The following ARHGEF4 variants were observed in gnomAD, a reference collection of about 807,000 sequenced individuals.
ARHGEF4 encodes the protein APC-stimulated guanine nucleotide exchange factor 1.
In ARHGEF4, 119 loss-of-function variants were observed where a neutral mutation model predicts 162.0. The observed-to-expected ratio is 0.73, with a 90% CI of 0.63 to 0.86. ARHGEF4 has a LOEUF of 0.86. ARHGEF4 is among the 40% of genes least tolerant of loss of function. The probability of loss-of-function intolerance (pLI) is 0.00; values close to 1 mark genes in which losing one functional copy is unlikely to be tolerated. For missense variants in ARHGEF4, 2,488 were observed against 2,456.0 expected, an observed-to-expected ratio of 1.01 and a Z score of -0.28; for synonymous variants, 1,014 against 979.9, an observed-to-expected ratio of 1.03 and a Z score of -0.65.
chr2:130,986,055 TTA>T (rs1181203085), intron 4 of ARHGEF4, among the ~76,000 whole-genome samples: 22 of 151,958 alleles, frequency 1.4e-4, no homozygotes, highest in African/African-American at 4.6e-4. Context: ...ATAGTATATG[TTA>T]TGTGTGTAGT....
chr2:131,018,006 CAAA>C (rs1157374408), intron 4 of ARHGEF4, among the ~76,000 whole-genome samples: 1 of 151,626 alleles, frequency 6.6e-6, no homozygotes, highest in Non-Finnish European at 1.5e-5. Flanking sequence ...GGGGAGGAAA[CAAA>C]AAAGAATAGC....
chr2:131,039,816 CT>C, intron 6 of ARHGEF4, 199 bp from the exon 7 acceptor site: 1 of 1,409,920 alleles, frequency 7.1e-7, no homozygotes, highest in Non-Finnish European at 9.2e-7. Flanking sequence ...CTGACGGCGG[CT>C]GCGGGCGTCG....
At chr2:130,885,639 G>A (rs1476503702) in intron 1 of ARHGEF4, among the ~76,000 whole-genome samples, 2 of 144,396 alleles carry the variant, frequency 1.4e-5, no homozygotes, top group East Asian at 4.1e-4. Flanking sequence ...GTGCAATCTC[G>A]GCTCACTGCA....
chr2:130,916,597 G>C lies in ARHGEF4; in HGVS notation c.2651G>C (p.Gly884Ala). 6.4e-7 allele frequency: 1 copy of C among 1,550,568 alleles called. No individual in the cohort carries two copies. The highest frequency in any genetic ancestry group is 8.7e-7 in the Non-Finnish European group (1 of 1,146,974). The change falls in exon 2 of 14, where the codon GGT becomes GCT. Residue 884 changes from glycine to alanine, a missense_variant. Coordinates refer to ENST00000409359, the MANE Select transcript of ARHGEF4 (RefSeq NM_001367493.1). ...CACACGGGGACCTCAGGGGATCTTG[G>C]TAGCCGAGGGCCTTCCTCTGAGAGC... Reference protein sequence around the residue: ...AGHTGTSGDLGSRGPSSESCN... With the variant: ...AGHTGTSGDLASRGPSSESCN...
At chr2:130,842,189 A>G (rs1680658432) in intron 1 of ARHGEF4, among the ~76,000 whole-genome samples, 1 of 152,208 alleles carries the variant, frequency 6.6e-6, no homozygotes, top group Non-Finnish European at 1.5e-5. Context: ...TGGGGAGGGC[A>G]TAACAGCCTG....
intron 4 of ARHGEF4, among the ~76,000 whole-genome samples, chr2:131,023,632 A>C (rs1689288982): frequency 6.6e-6 from 1 of 152,224 alleles, no homozygotes; most frequent in Non-Finnish European, 1.5e-5. Context: ...ATTCAGAGAA[A>C]GTGATCTCTG....
At chr2:130,961,007 C>T (rs915525800) in intron 4 of ARHGEF4, among the ~76,000 whole-genome samples, 1 of 152,190 alleles carries the variant, frequency 6.6e-6, no homozygotes, top group African/African-American at 2.4e-5. Context: ...CTCACACAGG[C>T]TCCTTCTGCT....
At chr2:131,036,746 T>G (rs10189491) in intron 5 of ARHGEF4, among the ~76,000 whole-genome samples, 1 of 152,136 alleles carries the variant, frequency 6.6e-6, no homozygotes, top group African/African-American at 2.4e-5. Flanking sequence ...AGGGAAGCAG[T>G]GGGAAAATGA....
intron 4 of ARHGEF4, among the ~76,000 whole-genome samples, chr2:130,991,657 T>C: frequency 6.6e-6 from 1 of 152,254 alleles, no homozygotes; most frequent in East Asian, 1.9e-4. Flanking sequence ...ACTAGATTTC[T>C]CACTGGGCCT....
At chr2:130,911,429 C>T (rs1457662188) in intron 1 of ARHGEF4, among the ~76,000 whole-genome samples, 1 of 152,172 alleles carries the variant, frequency 6.6e-6, no homozygotes, top group Non-Finnish European at 1.5e-5. Flanking sequence ...AGATTCCAGC[C>T]CCAGGCCATT....
chr2:130,853,699 C>T (rs150379225), intron 1 of ARHGEF4, among the ~76,000 whole-genome samples: 90 of 152,272 alleles, frequency 5.9e-4, no homozygotes, highest in African/African-American at 2.0e-3. Context: ...GCGGTCTGCC[C>T]CTCTCCAGTG....
At chr2:130,926,646 G>T (rs971315976) in intron 2 of ARHGEF4, among the ~76,000 whole-genome samples, 1 of 152,060 alleles carries the variant, frequency 6.6e-6, no homozygotes, top group African/African-American at 2.4e-5. Context: ...AAGGATGGGT[G>T]TTTCATTTAC....
chr2:131,040,613 C>A (rs1367580212), intron 8 of ARHGEF4, among the ~76,000 whole-genome samples, 173 bp downstream of exon 8: 1 of 152,206 alleles, frequency 6.6e-6, no homozygotes, highest in African/African-American at 2.4e-5. Flanking sequence ...TTAGGATGGT[C>A]TCTGCTTCTG....
intron 4 of ARHGEF4, among the ~76,000 whole-genome samples, chr2:130,990,398 GA>G (rs1472970790): frequency 6.6e-6 from 1 of 152,044 alleles, no homozygotes; most frequent in Non-Finnish European, 1.5e-5. Flanking sequence ...TGTTAAAATA[GA>G]TTTATTATTA....
In ARHGEF4 at chr2:131,004,606, G is replaced by A. The variant is rs968593801; in HGVS notation, c.3986-23339G>A. Among the ~76,000 whole-genome samples, 14 of 152,144 alleles carry A rather than the reference G, an allele frequency of 9.2e-5. No individual in the cohort carries two copies. In the East Asian group the frequency reaches 1.7e-3, roughly 19 times the overall value. On this transcript the variant is annotated intron_variant, in intron 4 of 13. Coordinates refer to ENST00000409359, the MANE Select transcript of ARHGEF4 (RefSeq NM_001367493.1). ...TGCGGCCCTCCTTGTCACACAGCCC[G>A]GCCTCGATGGTCCTTCCAGGCCTGA...
At chr2:130,967,666 G>A (rs567487754) in intron 4 of ARHGEF4, among the ~76,000 whole-genome samples, 1 of 152,282 alleles carries the variant, frequency 6.6e-6, no homozygotes, top group East Asian at 1.9e-4. Context: ...CTCTAGAGGT[G>A]GTAGATGAAT....
chr2:130,977,802 T>A (rs1685856832), intron 4 of ARHGEF4, among the ~76,000 whole-genome samples: 1 of 152,052 alleles, frequency 6.6e-6, no homozygotes, highest in African/African-American at 2.4e-5. Context: ...CACCAGGGGT[T>A]TGGTCTAGGT....
At chr2:130,879,040 A>G (rs7595588) in intron 1 of ARHGEF4, among the ~76,000 whole-genome samples, 2,527 of 152,328 alleles carry the variant, frequency 0.017, 60 homozygotes, top group African/African-American at 0.056. Context: ...GCTCAGAGGC[A>G]TGTTGGAGCA....
At chr2:130,889,682 G>A (rs1222626534) in intron 1 of ARHGEF4, among the ~76,000 whole-genome samples, 2 of 150,416 alleles carry the variant, frequency 1.3e-5, no homozygotes, top group African/African-American at 5.0e-5. Flanking sequence ...TGTAGTGGCG[G>A]GCATCTGTAA....
Sources: gnomAD v4.1 joint callset for allele counts (sites outside exome capture counted in the v4.1 genomes callset) on GRCh38, gnomAD v4.1.1 for gene constraint, MANE v1.5 for transcripts, NCBI Gene and HGNC (gene_info 2026-07-23, HGNC 2026-07-21) for gene names.